Variants in POP1 observed in about 807,000 individuals in gnomAD.
The protein encoded by POP1 is POP1 ribonuclease P/MRP subunit.
A neutral mutation model predicts 102.2 loss-of-function variants in POP1; 75 were observed. That is an observed-to-expected ratio of 0.73 (90% confidence interval 0.61 to 0.89). POP1 has a LOEUF of 0.89. POP1 is among the 40% of genes least tolerant of loss of function. The pLI, the probability that POP1 is intolerant of heterozygous loss-of-function variation, is 0.00. For synonymous variants in POP1, 436 were observed against 464.1 expected (o/e 0.94, Z 0.78); for missense variants, 1,116 against 1,267.4 (o/e 0.88, Z 1.81).
intron 11 of POP1, among the ~76,000 whole-genome samples, chr8:98,142,537 T>C (rs1487900064): frequency 1.3e-5 from 2 of 152,270 alleles, no homozygotes; most frequent in Non-Finnish European, 2.9e-5. Context: ...TAACTGGTTT[T>C]CTAGATGAGA....
At chr8:98,143,728 T>C (rs1229632963) in intron 11 of POP1, among the ~76,000 whole-genome samples, 2 of 152,230 alleles carry the variant, frequency 1.3e-5, no homozygotes, top group African/African-American at 4.8e-5. Context: ...CTTTTCCCCC[T>C]AACTTCCGAT....
chr8:98,155,892 T>C lies in POP1; in HGVS notation c.2058-158T>C, dbSNP rs1045119764. On this transcript the variant is annotated intron_variant, in intron 14 of 15. Transcript: ENST00000401707. Reference sequence around the variant, plus strand: ...GCCCAGCCTATTATTCTTTATCATATGTTTCTTGGAAAGCTTTTGTGTGTG... The same window carrying C: ...GCCCAGCCTATTATTCTTTATCATACGTTTCTTGGAAAGCTTTTGTGTGTG... 7.1e-6 allele frequency: 6 copies of C among 839,436 alleles called. No homozygotes were observed. The African/African-American group carries it at 1.0e-4, about 14-fold the overall frequency. 52.0% of individuals were successfully genotyped at this position (839,436 alleles called of 1,614,324 possible). A position where few individuals can be genotyped will look rare whatever the true frequency, so the allele number is the denominator to read the frequency against.
chr8:98,149,118 T>C (rs978803731), intron 13 of POP1, 112 bp downstream of exon 13: 2 of 1,039,552 alleles, frequency 1.9e-6, no homozygotes, highest in East Asian at 5.2e-5. Flanking sequence ...AATTGAGTGG[T>C]GTATTTCTGC....
chr8:98,143,255 T>C (rs1450038931), intron 11 of POP1, among the ~76,000 whole-genome samples: 3 of 152,226 alleles, frequency 2.0e-5, no homozygotes, highest in African/African-American at 7.2e-5. Flanking sequence ...GTGTGCTGAC[T>C]CAGCTGGGGA....
In POP1 at chr8:98,157,777, C is replaced by G. The variant is rs1316645551; in HGVS notation, c.2581C>G (p.Leu861Val). ...CCCCAGGGCCCTGGTTTGGGTCAGC[C>G]TGTCCCTGCTCAGCAAGGGCAGCCC... ...HFPRALVWVS[L>V]SLLSKGSPEP... Residue 861 changes from leucine to valine, a missense_variant, in exon 16 of 16, where the codon CTG becomes GTG. Transcript: ENST00000401707. The G allele has an allele frequency of 6.2e-7, 1 of 1,614,236 alleles. No individual in the cohort carries two copies. The highest frequency in any genetic ancestry group is 8.5e-7 in the Non-Finnish European group (1 of 1,180,042).
intron 10 of POP1, 76 bp downstream of exon 10, chr8:98,140,265 A>G (rs781246448): frequency 8.1e-5 from 92 of 1,129,914 alleles, no homozygotes; most frequent in Non-Finnish European, 1.1e-4. Context: ...GGCCTCCAAC[A>G]TGTAGTATTG....
chr8:98,123,563 G>A, intron 2 of POP1, 84 bp downstream of exon 2: 1 of 1,258,016 alleles, frequency 7.9e-7, no homozygotes, highest in Non-Finnish European at 1.1e-6. Flanking sequence ...CGGTTCATGA[G>A]GTCAAGAGAT....
At position 98,117,305 on chromosome 8, in the gene POP1, G is replaced by C. The variant is rs1815863918; in HGVS notation, c.-88G>C. On this transcript the variant is annotated 5_prime_UTR_variant, in exon 1 of 16. Coordinates refer to ENST00000401707, the MANE Select transcript of POP1 (RefSeq NM_001145860.2). ...CCCGGTCTGGCGCATGCGCTCTCCA[G>C]CGCGCTCTCCAGGAGCTTTGGCTCG... 3 of 597,778 alleles carry C rather than the reference G, an allele frequency of 5.0e-6. No individual in the cohort carries two copies. In the Admixed American group the frequency reaches 8.9e-5, roughly 18 times the overall value. 37.0% of individuals were successfully genotyped at this position (597,778 alleles called of 1,614,324 possible).
chr8:98,150,774 A>G, intron 14 of POP1, 135 bp downstream of exon 14: 2 of 859,604 alleles, frequency 2.3e-6, no homozygotes, highest in Non-Finnish European at 3.6e-6. Context: ...ACTGAGAAAT[A>G]ATTAAGAAGA....
In POP1 at chr8:98,127,483, G is replaced by A. The variant is rs1816241763; in HGVS notation, c.143-112G>A. 2.3e-6 allele frequency: 3 copies of A among 1,304,990 alleles called. No homozygotes were observed. The African/African-American group carries it at 4.4e-5, about 19-fold the overall frequency. The allele number at this position is 1,304,990 out of a possible 1,614,324, so 80.8% of individuals were successfully genotyped here. On this transcript the variant is annotated intron_variant, in intron 2 of 15. Coordinates refer to ENST00000401707, the MANE Select transcript of POP1 (RefSeq NM_001145860.2). ...TAAGTAGTAATAGCCACCTTACAGG[G>A]TGACTATAGGATTAAAAACATGGTC...
chr8:98,151,542 G>C (rs750222667), intron 14 of POP1, among the ~76,000 whole-genome samples: 1 of 152,176 alleles, frequency 6.6e-6, no homozygotes, highest in East Asian at 1.9e-4. Context: ...CACAGAAGCT[G>C]TCTCTCTTTA....
Position 98,158,412 on chromosome 8 carries a change from A to T in POP1, c.*141A>T. 1.1e-6 allele frequency: 1 copy of T among 873,950 alleles called. No individual in the cohort carries two copies. Among genetic ancestry groups the T allele is most frequent in the Non-Finnish European group, 1.8e-6 (1 of 547,582 alleles). The allele number at this position is 873,950 out of a possible 1,614,324, so 54.1% of individuals were successfully genotyped here. ...GAATAAAAAATTATGTATTATGCAGATGATGAAATGTTTACATCATTCCAG... is the reference window on the plus strand; with the variant it reads ...GAATAAAAAATTATGTATTATGCAGTTGATGAAATGTTTACATCATTCCAG... On this transcript the variant is annotated 3_prime_UTR_variant, in exon 16 of 16. Coordinates refer to ENST00000401707, the MANE Select transcript of POP1 (RefSeq NM_001145860.2).
In POP1 at chr8:98,130,043, T is replaced by C; in HGVS notation, c.552T>C (p.Cys184=). The C allele has an allele frequency of 6.2e-7, 1 of 1,614,064 alleles. No individual in the cohort carries two copies. Among genetic ancestry groups the C allele is most frequent in the Non-Finnish European group, 8.5e-7 (1 of 1,179,948 alleles). The change falls in exon 5 of 16, where the codon TGT becomes TGC. Residue 184 remains cysteine (C), a synonymous_variant. Transcript: ENST00000401707. Reference sequence around the variant, plus strand: ...ATAAATGCCATAAAGCTCGAAGATGTCACATGAACCGGACGCTAGAATTTA... The same window carrying C: ...ATAAATGCCATAAAGCTCGAAGATGCCACATGAACCGGACGCTAGAATTTA... ...SKNKCHKARR[C]HMNRTLEFNR...
chr8:98,125,179 GTTTTTTTTTT>G (rs748014497), intron 2 of POP1, among the ~76,000 whole-genome samples: 1 of 102,260 alleles, frequency 9.8e-6, no homozygotes, highest in Non-Finnish European at 1.8e-5. Context: ...TTTACAGACA[GTTTTTTTTTT>G]TTTTTTTTTT....
rs758854821 is a variant in POP1 at position 98,130,053 on chromosome 8, C to T, written c.562C>T (p.Arg188Trp). The T allele has an allele frequency of 4.3e-6, 7 of 1,613,930 alleles. No homozygotes were observed. Among genetic ancestry groups the T allele is most frequent in the South Asian group, 2.2e-5 (2 of 91,066 alleles). Residue 188 changes from arginine to tryptophan, a missense_variant, in exon 5 of 16, where the codon CGG (arginine) becomes TGG (tryptophan). By Grantham distance (101) the Arg-to-Trp change is moderately radical (BLOSUM62 -3). Transcript: ENST00000401707. ...TAAAGCTCGAAGATGTCACATGAAC[C>T]GGACGCTAGAATTTAACCGTAGACA... ...CHKARRCHMN[R>W]TLEFNRRQKK... is the part of the protein sequence containing the mutation.
chr8:98,144,395 C>T (rs138297936), intron 11 of POP1, among the ~76,000 whole-genome samples: 1,652 of 152,136 alleles, frequency 0.011, 10 homozygotes, highest in Middle Eastern at 0.054. Context: ...CCCACCGCAG[C>T]CCCCCAAATA....
chr8:98,122,088 C>A (rs909298861), intron 1 of POP1, among the ~76,000 whole-genome samples: 3 of 152,174 alleles, frequency 2.0e-5, no homozygotes, highest in African/African-American at 7.2e-5. Context: ...CTCAGCCTCC[C>A]TAACTGCTGT....
intron 13 of POP1, among the ~76,000 whole-genome samples, chr8:98,149,784 G>GTAAATAAA (rs149431668): frequency 6.6e-6 from 1 of 151,464 alleles, no homozygotes; most frequent in Non-Finnish European, 1.5e-5. Context: ...AAATAAATAA[G>GTAAATAAA]TAAATAAATA....
intron 5 of POP1, among the ~76,000 whole-genome samples, chr8:98,131,510 A>G (rs1165405223): frequency 6.6e-6 from 1 of 152,172 alleles, no homozygotes; most frequent in Non-Finnish European, 1.5e-5. Flanking sequence ...CTGTCAGTGG[A>G]CATTTGGCTT....
Sources: allele counts gnomAD v4.1 joint callset (sites outside exome capture counted in the v4.1 genomes callset), GRCh38; gene constraint gnomAD v4.1.1; transcripts MANE v1.5; gene names NCBI Gene and HGNC (gene_info 2026-07-23, HGNC 2026-07-21).